Variants in MROH9 observed in about 807,000 individuals in gnomAD.
MROH9 encodes the protein maestro heat-like repeat-containing protein family member 9.
MROH9 carries 92 observed loss-of-function variants against 98.2 expected under a neutral mutation model. That is an observed-to-expected ratio of 0.94 (90% confidence interval 0.79 to 1.11). The LOEUF (loss-of-function observed/expected upper bound fraction) is 1.11, where lower values mean the gene tolerates loss of function less well. Among genes scored for constraint, MROH9 ranks in the 50% most tolerant of loss-of-function variants. MROH9 has a pLI of 0.00. For synonymous variants in MROH9, 397 were observed against 368.9 expected, an observed-to-expected ratio of 1.08 and a Z score of -0.87; for missense variants, 1,057 against 1,014.8, an observed-to-expected ratio of 1.04 and a Z score of -0.57.
At chr1:170,971,613 T>G in intron 7 of MROH9, 135 bp from the exon 8 acceptor site, 1 of 1,015,896 alleles carries the variant, frequency 9.8e-7, no homozygotes, top group Non-Finnish European at 1.5e-6. Flanking sequence ...GGGGCCAGGA[T>G]TTGATTACAG....
chr1:170,944,865 C>T (rs887838709), intron 1 of MROH9, among the ~76,000 whole-genome samples: 8 of 151,798 alleles, frequency 5.3e-5, no homozygotes, highest in East Asian at 1.9e-4. Context: ...AGGAAGGGTA[C>T]GGGATGAAGA....
In MROH9 at chr1:170,959,573, T is replaced by C. The variant is rs1649934174; in HGVS notation, c.264T>C (p.Ser88=). 1.2e-6 allele frequency: 2 copies of C among 1,613,570 alleles called. No individual in the cohort carries two copies. Among genetic ancestry groups the C allele is most frequent in the Non-Finnish European group, 1.7e-6 (2 of 1,179,820 alleles). The part of the protein sequence containing the change: ...SLDKVKEMGS[S]YEYIEDMENL... ...ACAAAGTAAAAGAAATGGGGAGCAG[T>C]TATGAGTACATTGAGGACATGGAGG... Residue 88 remains serine, a synonymous_variant, in exon 5 of 22, where the codon AGT becomes AGC. Coordinates refer to ENST00000367759, the MANE Select transcript of MROH9 (RefSeq NM_001163629.2).
In MROH9 at chr1:171,038,671, A is replaced by G. The variant is rs1653188772; in HGVS notation, c.2281+13251A>G. On this transcript the variant is annotated intron_variant, in intron 20 of 21. Coordinates refer to ENST00000367759, the MANE Select transcript of MROH9 (RefSeq NM_001163629.2). ...ACAGCAAGAAACAAACAAAAAAAGT[A>G]AAAGACAAAAGATGTGCTTTCCAAC... Among the ~76,000 whole-genome samples the G allele has an allele frequency of 2.6e-5, 4 of 152,218 alleles. No homozygotes were observed. In the South Asian group the frequency reaches 8.3e-4, roughly 31 times the overall value.
At chr1:171,001,127 T>C (rs1651769506) in intron 15 of MROH9, among the ~76,000 whole-genome samples, 1 of 152,144 alleles carries the variant, frequency 6.6e-6, no homozygotes, top group Admixed American at 6.5e-5. Context: ...GGATTTTCTG[T>C]CTTCTTTTCT....
At chr1:171,063,557 A>G (rs924575843) in intron 21 of MROH9, among the ~76,000 whole-genome samples, 3 of 152,122 alleles carry the variant, frequency 2.0e-5, no homozygotes, top group Non-Finnish European at 4.4e-5. Context: ...TGGCCTATCC[A>G]GGATATTTCT....
chr1:171,027,071 A>C (rs1652737845), intron 20 of MROH9, among the ~76,000 whole-genome samples: 1 of 152,190 alleles, frequency 6.6e-6, no homozygotes, highest in African/African-American at 2.4e-5. Context: ...ACCATCAATG[A>C]AAAATTCTTT....
intron 1 of MROH9, among the ~76,000 whole-genome samples, chr1:170,937,076 T>G (rs1396571837): frequency 6.6e-6 from 1 of 152,204 alleles, no homozygotes; most frequent in Admixed American, 6.5e-5. Context: ...TAAGGCTCAC[T>G]AGCCACAGAA....
At chr1:171,043,620 AT>A (rs568664023) in intron 20 of MROH9, among the ~76,000 whole-genome samples, 49 of 151,378 alleles carry the variant, frequency 3.2e-4, no homozygotes, top group Non-Finnish European at 6.5e-4. Context: ...TGAACTTGGA[AT>A]TTTTTTTCAT....
At chr1:170,935,825 C>A (rs767195358) in intron 1 of MROH9, among the ~76,000 whole-genome samples, 3 of 151,580 alleles carry the variant, frequency 2.0e-5, no homozygotes, top group Admixed American at 6.6e-5. Flanking sequence ...AACCCCATCT[C>A]TACTAAAAAT....
chr1:171,024,265 T>C, intron 17 of MROH9, 130 bp from the exon 18 acceptor site: 1 of 689,260 alleles, frequency 1.5e-6, no homozygotes, highest in Non-Finnish European at 2.3e-6. Flanking sequence ...ATAGTGTATG[T>C]ATATATACAC....
At chr1:170,940,728 A>G (rs747814847) in intron 1 of MROH9, among the ~76,000 whole-genome samples, 1 of 152,174 alleles carries the variant, frequency 6.6e-6, no homozygotes, top group African/African-American at 2.4e-5. Context: ...GTCCAAATAG[A>G]TAATTTAAAT....
chr1:170,956,084 A>T (rs1243088629), intron 3 of MROH9, among the ~76,000 whole-genome samples: 1 of 151,776 alleles, frequency 6.6e-6, no homozygotes, highest in Non-Finnish European at 1.5e-5. Flanking sequence ...TCCTTTCCCC[A>T]CTTTATGTTT....
At chr1:170,970,164 C>T (rs1650385933) in intron 7 of MROH9, among the ~76,000 whole-genome samples, 2 of 152,146 alleles carry the variant, frequency 1.3e-5, no homozygotes, top group Admixed American at 1.3e-4. Flanking sequence ...CTAAGAACTA[C>T]ACATCTAACA....
At chr1:171,041,509 G>A (rs1167838766) in intron 20 of MROH9, among the ~76,000 whole-genome samples, 1 of 150,688 alleles carries the variant, frequency 6.6e-6, no homozygotes, top group Non-Finnish European at 1.5e-5. Flanking sequence ...CTTTGCTATT[G>A]TAAATAGTGC....
chr1:170,999,397 C>T (rs1651709500), intron 15 of MROH9, among the ~76,000 whole-genome samples: 1 of 152,108 alleles, frequency 6.6e-6, no homozygotes, highest in Admixed American at 6.6e-5. Context: ...TCTCACATAT[C>T]ACAGAGAACA....
At chr1:170,962,163 G>T (rs972231196) in intron 6 of MROH9, among the ~76,000 whole-genome samples, 187 bp downstream of exon 6, 12 of 152,082 alleles carry the variant, frequency 7.9e-5, no homozygotes, top group Admixed American at 5.2e-4. Context: ...ACACTTTTAG[G>T]AATTTAATTT....
At position 171,052,563 on chromosome 1, in the gene MROH9, T is replaced by C. The variant is rs150624639; in HGVS notation, c.2282-9569T>C. ...CTATCAAGTTGGCTGCACCAAGTTC[T>C]CTACTCAGAAAGGGAAGGGTGGTTT... On this transcript the variant is annotated intron_variant, in intron 20 of 21. Coordinates refer to ENST00000367759, the MANE Select transcript of MROH9 (RefSeq NM_001163629.2). Among the ~76,000 whole-genome samples, 20 of 152,286 alleles carry C rather than the reference T, an allele frequency of 1.3e-4. 2 individuals are homozygous for C. The highest frequency in any genetic ancestry group is 4.8e-4 in the African/African-American group (20 of 41,568).
Position 170,945,689 on chromosome 1 carries a change from A to G in MROH9, c.25+108A>G, listed in dbSNP as rs1649303440. ...ACCTATACATCATTCTGTAACCATG[A>G]TAACAAAGAATGTACCTTTTTTCCC... On this transcript the variant is annotated intron_variant, in intron 2 of 21. Coordinates refer to ENST00000367759, the MANE Select transcript of MROH9 (RefSeq NM_001163629.2). 3 of 935,616 alleles carry G rather than the reference A, an allele frequency of 3.2e-6. No homozygotes were observed. The African/African-American group carries it at 5.1e-5, about 16-fold the overall frequency. The allele number at this position is 935,616 out of a possible 1,614,324, so 58.0% of individuals were successfully genotyped here.
At chr1:170,953,829 AAAAG>A (rs1336454377) in intron 3 of MROH9, among the ~76,000 whole-genome samples, 9 of 150,042 alleles carry the variant, frequency 6.0e-5, no homozygotes, top group East Asian at 3.9e-4. Context: ...GAAAGAAAGA[AAAAG>A]AAAGGAAGGA....
Sources: gnomAD v4.1 joint callset for allele counts (sites outside exome capture counted in the v4.1 genomes callset) on GRCh38, gnomAD v4.1.1 for gene constraint, MANE v1.5 for transcripts, NCBI Gene and HGNC (gene_info 2026-07-23, HGNC 2026-07-21) for gene names.